Variants in CSMD2 observed in about 807,000 individuals in gnomAD.
CSMD2 encodes CUB and Sushi multiple domains 2, also known as CUB and sushi domain-containing protein 2.
A neutral mutation model predicts 398.5 loss-of-function variants in CSMD2; 130 were observed. The observed-to-expected ratio is 0.33, with a 90% CI of 0.28 to 0.38. CSMD2 has a LOEUF of 0.38. Ranked by LOEUF, CSMD2 falls within the 10% of genes least tolerant of loss-of-function variation. The pLI is 1.00. For missense variants in CSMD2, 3,829 were observed against 4,764.9 expected, an observed-to-expected ratio of 0.80 and a Z score of 5.78; for synonymous variants, 1,828 against 1,908.5, an observed-to-expected ratio of 0.96 and a Z score of 1.10.
At chr1:33,990,256 G>A (rs1316812731) in intron 3 of CSMD2, among the ~76,000 whole-genome samples, 1 of 152,084 alleles carries the variant, frequency 6.6e-6, no homozygotes, top group Admixed American at 6.6e-5. Context: ...TGGACGACAA[G>A]AGTGAAATTC....
At chr1:34,006,274 C>T (rs1009113085) in intron 3 of CSMD2, among the ~76,000 whole-genome samples, 1 of 152,136 alleles carries the variant, frequency 6.6e-6, no homozygotes, top group African/African-American at 2.4e-5. Context: ...AGATTAATAT[C>T]TTGCCTAGAG....
At chr1:33,958,964 C>G (rs1360062283) in intron 3 of CSMD2, among the ~76,000 whole-genome samples, 5 of 152,208 alleles carry the variant, frequency 3.3e-5, no homozygotes, top group African/African-American at 1.2e-4. Context: ...ACAAGGCCCT[C>G]GCCATGCTGT....
chr1:33,617,676 C>T (rs563791266), intron 37 of CSMD2, 59 bp from the exon 38 acceptor site: 10 of 1,353,828 alleles, frequency 7.4e-6, no homozygotes, highest in African/African-American at 4.3e-5. Flanking sequence ...GTCAACGTGG[C>T]GGTAGGCTGG....
intron 5 of CSMD2, chr1:33,870,095 G>A (rs956146367): frequency 6.6e-6 from 1 of 152,112 alleles, no homozygotes; most frequent in African/African-American, 2.4e-5. Context: ...CCAATTCCTG[G>A]GCCTTTAAGA....
chr1:33,785,712 G>A (rs1022438862), intron 12 of CSMD2, among the ~76,000 whole-genome samples: 2 of 152,178 alleles, frequency 1.3e-5, no homozygotes, highest in Admixed American at 6.5e-5. Context: ...GGAGGTCCCT[G>A]GAGGGTACCG....
chr1:33,820,354 C>T (rs1570110723), intron 8 of CSMD2, 115 bp downstream of exon 8: 2 of 749,138 alleles, frequency 2.7e-6, no homozygotes, highest in East Asian at 4.9e-5. Context: ...AGTGTCTGTT[C>T]CTATATCCAT....
intron 13 of CSMD2, among the ~76,000 whole-genome samples, chr1:33,758,591 G>A (rs1190932681): frequency 1.3e-5 from 2 of 152,246 alleles, no homozygotes; most frequent in East Asian, 1.9e-4. Flanking sequence ...ATAGTTTAGT[G>A]AGGGTGCCAG....
intron 13 of CSMD2, among the ~76,000 whole-genome samples, chr1:33,764,953 G>A (rs1557859750): frequency 6.6e-6 from 1 of 152,196 alleles, no homozygotes; most frequent in African/African-American, 2.4e-5. Flanking sequence ...GTCAGGGTGG[G>A]AGGAGAAATG....
chr1:33,619,470 C>T (rs140100776), intron 37 of CSMD2, among the ~76,000 whole-genome samples: 1 of 152,358 alleles, frequency 6.6e-6, no homozygotes, highest in Non-Finnish European at 1.5e-5. Flanking sequence ...GTCCTCATGC[C>T]ACATTCAGAG....
intron 1 of CSMD2, among the ~76,000 whole-genome samples, chr1:34,099,134 G>C (rs1233244810): frequency 1.3e-5 from 2 of 152,160 alleles, no homozygotes; most frequent in Non-Finnish European, 2.9e-5. Flanking sequence ...ACAACTTTCA[G>C]AGAAGCCCTG....
At chr1:34,165,235 C>A, upstream of CSMD2, 1 of 1,177,542 alleles carries the variant, frequency 8.5e-7, no homozygotes, top group Non-Finnish European at 1.0e-6. Flanking sequence ...TGGAATGAAC[C>A]AAGTGTCCGC....
intron 44 of CSMD2, among the ~76,000 whole-genome samples, chr1:33,593,888 CTTTAT>C (rs1358366282): frequency 6.6e-6 from 1 of 151,968 alleles, no homozygotes; most frequent in Non-Finnish European, 1.5e-5. Flanking sequence ...AAGTACTATA[CTTTAT>C]TTTAAATATA....
intron 6 of CSMD2, among the ~76,000 whole-genome samples, chr1:33,835,248 A>T (rs1293247450): frequency 2.0e-5 from 1 of 51,036 alleles, no homozygotes; most frequent in Non-Finnish European, 2.9e-5. Context: ...ACTTGGAACC[A>T]ACCCAAGTGT....
rs970810456 is a variant in CSMD2 at position 33,586,885 on chromosome 1, G to T, written c.6937+203C>A. 7.2e-5 allele frequency among the ~76,000 whole-genome samples: 11 copies of T among 152,302 alleles called. No homozygotes were observed. The South Asian group carries it at 8.3e-4, about 11-fold the overall frequency. Reference sequence around the variant, plus strand: ...AAGATGCTGACTTGAACCAAAAAAAGAAAACTATTTTTCTGCCTCCCCTTT... The same window carrying T: ...AAGATGCTGACTTGAACCAAAAAAATAAAACTATTTTTCTGCCTCCCCTTT... On this transcript the variant is annotated intron_variant, in intron 45 of 70. Coordinates refer to ENST00000373381, the MANE Select transcript of CSMD2 (RefSeq NM_001281956.2).
chr1:33,866,658 C>A (rs959602191), intron 5 of CSMD2, among the ~76,000 whole-genome samples: 1 of 152,210 alleles, frequency 6.6e-6, no homozygotes, highest in African/African-American at 2.4e-5. Flanking sequence ...CCTGGTCTCA[C>A]CCCTCACGGA....
chr1:34,017,505 C>G (rs12060783), intron 3 of CSMD2, among the ~76,000 whole-genome samples: 26,445 of 152,102 alleles, frequency 0.17, 2,623 homozygotes, highest in Middle Eastern at 0.28. Flanking sequence ...GCCTGTAATC[C>G]CAGCATTTTG....
At position 33,624,639 on chromosome 1, in the gene CSMD2, C is replaced by G. The variant is rs139820963; in HGVS notation, c.5505G>C (p.Pro1835=). The G allele has an allele frequency of 5.0e-6, 8 of 1,613,136 alleles. No homozygotes were observed. The South Asian group carries it at 8.8e-5, about 18-fold the overall frequency. Residue 1835 remains proline, a synonymous_variant, in exon 35 of 71, where the codon CCG becomes CCC. Coordinates refer to ENST00000373381, the MANE Select transcript of CSMD2 (RefSeq NM_001281956.2). This position sits in a 1 kb window ranked among gnomAD's most constrained non-coding sequence, Gnocchi z 4.7. ...WNVSAPTCVV[P]CGGNLTERRG... ...TGCGCTCTGTGAGGTTGCCTCCACA[C>G]GGCACTGGGAGGAGAGGCCATCGGG...
intron 6 of CSMD2, among the ~76,000 whole-genome samples, chr1:33,845,040 A>T (rs112886284): frequency 6.6e-6 from 1 of 152,212 alleles, no homozygotes; most frequent in Non-Finnish European, 1.5e-5. Flanking sequence ...CCACTTGGTC[A>T]TATTTTCCTT....
chr1:33,607,059 T>C (rs1222494166), intron 41 of CSMD2, among the ~76,000 whole-genome samples: 2 of 152,226 alleles, frequency 1.3e-5, no homozygotes, highest in Non-Finnish European at 2.9e-5. Flanking sequence ...ATCAGGTAGA[T>C]ACAATTTCAA....
Sources: allele counts gnomAD v4.1 joint callset (sites outside exome capture counted in the v4.1 genomes callset), GRCh38; gene constraint gnomAD v4.1.1; non-coding constraint Gnocchi (gnomAD v3.1); transcripts MANE v1.5; gene names NCBI Gene and HGNC (gene_info 2026-07-23, HGNC 2026-07-21).